KCNMA1: variants seen among roughly 807,000 people sequenced by gnomAD.
The protein encoded by KCNMA1 is potassium calcium-activated channel subfamily M alpha 1, also known as Calcium-activated potassium channel subunit alpha-1.
Under a neutral mutation model 140.0 loss-of-function variants are expected in KCNMA1, and 29 were observed. The ratio of observed to expected loss-of-function variants is 0.21; its 90% confidence interval spans 0.15 to 0.28. The LOEUF (loss-of-function observed/expected upper bound fraction) is 0.28. KCNMA1 is among the 10% of genes least tolerant of loss of function. The pLI, the probability that KCNMA1 is intolerant of heterozygous loss-of-function variation, is 1.00. For synonymous variants in KCNMA1, 612 were observed against 611.9 expected, an observed-to-expected ratio of 1.00 and a Z score of 0.00; for missense variants, 880 against 1,602.2, an observed-to-expected ratio of 0.55 and a Z score of 7.70.
At chr10:77,197,935 C>T (rs1344043888) in intron 3 of KCNMA1, among the ~76,000 whole-genome samples, 1 of 152,054 alleles carries the variant, frequency 6.6e-6, no homozygotes, top group Non-Finnish European at 1.5e-5. Flanking sequence ...TGGCATTACA[C>T]GCGAGAAGAG....
At chr10:77,500,641 T>C (rs1330080220) in intron 1 of KCNMA1, among the ~76,000 whole-genome samples, 5 of 152,196 alleles carry the variant, frequency 3.3e-5, no homozygotes, top group Non-Finnish European at 7.3e-5. Flanking sequence ...CAATGACTTT[T>C]AGGCACAAAG....
intron 1 of KCNMA1, among the ~76,000 whole-genome samples, chr10:77,596,647 C>T (rs553523555): frequency 6.6e-6 from 1 of 152,284 alleles, no homozygotes; most frequent in African/African-American, 2.4e-5. Flanking sequence ...GAGCACAATC[C>T]AATGTTCGAC....
downstream of KCNMA1, among the ~76,000 whole-genome samples, chr10:76,880,351 C>T: frequency 6.6e-6 from 1 of 151,944 alleles, no homozygotes. Flanking sequence ...ATGTTTTGGC[C>T]ATGCTGCCTC....
chr10:77,386,684 C>T (rs935849237), intron 2 of KCNMA1, among the ~76,000 whole-genome samples: 3 of 152,198 alleles, frequency 2.0e-5, no homozygotes, highest in African/African-American at 7.2e-5. Flanking sequence ...ATCCCATTTT[C>T]ATCTTGATGG....
chr10:77,168,300 G>A (rs556094443), intron 5 of KCNMA1, among the ~76,000 whole-genome samples: 3 of 152,222 alleles, frequency 2.0e-5, no homozygotes, highest in Middle Eastern at 3.4e-3. Context: ...GAGATAGGCC[G>A]GTAAAGAGCT....
chr10:77,193,555 C>A (rs1337292811), intron 3 of KCNMA1, among the ~76,000 whole-genome samples: 4 of 152,080 alleles, frequency 2.6e-5, no homozygotes, highest in Non-Finnish European at 4.4e-5. Flanking sequence ...AATGCATATG[C>A]ACTTATGCAC....
intron 3 of KCNMA1, among the ~76,000 whole-genome samples, chr10:77,248,976 G>T (rs920818478): frequency 6.6e-6 from 1 of 152,190 alleles, no homozygotes; most frequent in Non-Finnish European, 1.5e-5. Flanking sequence ...TCATGAAAAT[G>T]AAAAGTTTCT....
At chr10:77,410,668 A>G (rs572110910) in intron 1 of KCNMA1, among the ~76,000 whole-genome samples, 9 of 151,944 alleles carry the variant, frequency 5.9e-5, no homozygotes, top group Non-Finnish European at 1.0e-4. Context: ...AATCAGCCCC[A>G]CTCGTGCCTG....
At chr10:77,471,805 G>GCAGCA (rs2154528587) in intron 1 of KCNMA1, among the ~76,000 whole-genome samples, 1 of 149,884 alleles carries the variant, frequency 6.7e-6, no homozygotes, top group Admixed American at 6.6e-5. Flanking sequence ...AAATATACAC[G>GCAGCA]CAGCACACAC....
chr10:77,287,463 G>A lies in KCNMA1; in HGVS notation c.541-36207C>T, dbSNP rs555691974. On this transcript the variant is annotated intron_variant, in intron 2 of 27. Transcript: ENST00000286628. ...ATTACAGAAGAGACTGTCTAGTCCA[G>A]AAGCTTGCTCAGTGATGAAAGAAGC... 2.0e-5 allele frequency among the ~76,000 whole-genome samples: 3 copies of A among 152,296 alleles called. No individual in the cohort carries two copies. The East Asian group carries it at 5.8e-4, about 29-fold the overall frequency.
At chr10:77,065,988 A>G (rs1037771903) in intron 14 of KCNMA1, among the ~76,000 whole-genome samples, 2 of 152,218 alleles carry the variant, frequency 1.3e-5, no homozygotes, top group Non-Finnish European at 2.9e-5. Context: ...CTAACATAAG[A>G]AGCAGGAGAA....
chr10:77,221,438 CAGAA>C (rs2049638709), intron 3 of KCNMA1, among the ~76,000 whole-genome samples: 1 of 152,012 alleles, frequency 6.6e-6, no homozygotes, highest in African/African-American at 2.4e-5. Flanking sequence ...CAAAAAAAAT[CAGAA>C]AGAATGAATA....
At chr10:77,460,923 C>A (rs566114062) in intron 1 of KCNMA1, among the ~76,000 whole-genome samples, 18 of 152,118 alleles carry the variant, frequency 1.2e-4, no homozygotes, top group African/African-American at 3.4e-4. Context: ...CTTGCCAACA[C>A]GGTGAAACCC....
chr10:77,165,674 G>C (rs969735593), intron 5 of KCNMA1, among the ~76,000 whole-genome samples: 5 of 152,174 alleles, frequency 3.3e-5, no homozygotes, highest in Non-Finnish European at 5.9e-5. Flanking sequence ...TTTCTGCGGG[G>C]AGTTGTTTTC....
chr10:77,472,082 CCA>C (rs889132691), intron 1 of KCNMA1, among the ~76,000 whole-genome samples: 16 of 150,252 alleles, frequency 1.1e-4, no homozygotes, highest in East Asian at 2.0e-4. Context: ...CATACACATA[CCA>C]CACACACACA....
intron 1 of KCNMA1, among the ~76,000 whole-genome samples, chr10:77,589,414 T>G (rs969729186): frequency 6.6e-6 from 1 of 152,126 alleles, no homozygotes; most frequent in African/African-American, 2.4e-5. Flanking sequence ...GTCTTCCAAC[T>G]GCACAAACAA....
At chr10:77,318,155 GT>G (rs1052784914) in intron 2 of KCNMA1, among the ~76,000 whole-genome samples, 7 of 152,252 alleles carry the variant, frequency 4.6e-5, no homozygotes, top group African/African-American at 1.7e-4. Context: ...ACTTAGAAAG[GT>G]TATCATTAAC....
intron 1 of KCNMA1, among the ~76,000 whole-genome samples, chr10:77,523,685 T>C (rs2054434806): frequency 6.6e-6 from 1 of 152,242 alleles, no homozygotes; most frequent in Non-Finnish European, 1.5e-5. Flanking sequence ...GCATATACTT[T>C]GTGGTGTGTT....
At chr10:77,599,323 G>A (rs559146182) in intron 1 of KCNMA1, among the ~76,000 whole-genome samples, 2 of 152,156 alleles carry the variant, frequency 1.3e-5, no homozygotes, top group Non-Finnish European at 2.9e-5. Flanking sequence ...TGGCCACCTG[G>A]CTCAACTCTG....
Sources: allele counts gnomAD v4.1 joint callset (sites outside exome capture counted in the v4.1 genomes callset), GRCh38; gene constraint gnomAD v4.1.1; transcripts MANE v1.5; gene names NCBI Gene and HGNC (gene_info 2026-07-23, HGNC 2026-07-21).